HOXC8: variants seen among roughly 807,000 people sequenced by gnomAD.
HOXC8 encodes homeobox protein Hox-C8.
HOXC8 carries 14 observed loss-of-function variants against 25.8 expected under a neutral mutation model. That is an observed-to-expected ratio of 0.54 (90% CI 0.36 to 0.85). HOXC8 has a LOEUF of 0.85. HOXC8 is among the 40% of genes least tolerant of loss of function. The probability of loss-of-function intolerance (pLI) is 0.01; values close to 1 mark genes in which losing one functional copy is unlikely to be tolerated. For synonymous variants in HOXC8, 144 were observed against 124.6 expected (o/e 1.16, Z -1.04); for missense variants, 316 against 308.8 (o/e 1.02, Z -0.17).
Position 54,009,321 on chromosome 12 carries a change from T to G in HOXC8, c.37T>G (p.Tyr13Asp). Residue 13 changes from tyrosine to aspartate, a missense_variant, in exon 1 of 2, where the codon TAC becomes GAC. Transcript: ENST00000040584. This position sits in a 1 kb window ranked among gnomAD's most constrained non-coding sequence, Gnocchi z 5.0. ...SYFVNPLFSK[Y>D]KAGESLEPAY... is the part of the protein sequence containing the mutation. ...CTTCGTCAACCCCCTGTTCTCCAAA[T>G]ACAAAGCCGGCGAGTCCCTGGAACC... 6.2e-7 allele frequency: 1 copy of G among 1,604,128 alleles called. No individual in the cohort carries two copies. The highest frequency in any genetic ancestry group is 8.5e-7 in the Non-Finnish European group (1 of 1,173,338).
chr12:54,009,141 C>A lies in HOXC8; in HGVS notation c.-144C>A. The A allele has an allele frequency of 1.4e-6, 1 of 720,658 alleles. No homozygotes were observed. The allele number at this position is 720,658 out of a possible 1,614,324, so 44.6% of individuals were successfully genotyped here. A position where few individuals can be genotyped will look rare whatever the true frequency, so the allele number is the denominator to read the frequency against. On this transcript the variant is annotated 5_prime_UTR_variant, in exon 1 of 2. Transcript: ENST00000040584. The surrounding 1 kb of genome is among the most constrained non-coding windows in gnomAD (Gnocchi z 5.0). ...GCACCGAGGCGCCCCCCAACCTGCC[C>A]AGCCCCCAGCCCACCAGCCCAGCCC...
At chr12:54,011,066 G>T (rs1321830278) in intron 1 of HOXC8, 23 bp from the exon 2 acceptor site, 1 of 1,576,084 alleles carries the variant, frequency 6.3e-7, no homozygotes, top group Non-Finnish European at 8.7e-7. Flanking sequence ...AACGTAACCA[G>T]ACTGGGGTTT....
At chr12:54,010,428 A>G (rs778638181) in intron 1 of HOXC8, among the ~76,000 whole-genome samples, 32 of 152,276 alleles carry the variant, frequency 2.1e-4, no homozygotes, top group Admixed American at 9.8e-4. Flanking sequence ...CGCCCCCCCA[A>G]TCAAGGACTT....
intron 1 of HOXC8, 132 bp from the exon 2 acceptor site, chr12:54,010,957 C>T: frequency 2.6e-6 from 1 of 381,598 alleles, no homozygotes; most frequent in Non-Finnish European, 4.7e-6. Context: ...TGTCTGCCTT[C>T]TGCTCTAGCC....
rs555017651 is a variant in HOXC8 at position 54,011,720 on chromosome 12, G to A, written c.*339G>A. On this transcript the variant is annotated 3_prime_UTR_variant, in exon 2 of 2. Transcript: ENST00000040584. ...CTGAGACCTGGCCTCCGTGCTCCTC[G>A]GTCTGTCTCTCACCACACTCCCACC... is the stretch of plus-strand genomic sequence containing the variant. The A allele has an allele frequency of 5.4e-5, 9 of 166,958 alleles. No homozygotes were observed. The South Asian group carries it at 1.3e-3, about 25-fold the overall frequency. The allele number at this position is 166,958 out of a possible 1,614,324, so 10.3% of individuals were successfully genotyped here. A position where few individuals can be genotyped will look rare whatever the true frequency, so the allele number is the denominator to read the frequency against.
At position 54,009,487 on chromosome 12, in the gene HOXC8, C is replaced by G; in HGVS notation, c.203C>G (p.Ser68Cys). 6.2e-7 allele frequency: 1 copy of G among 1,614,224 alleles called. No individual in the cohort carries two copies. ...DFFHHGTSGI[S>C]NSGYQQNPCS... The stretch of plus-strand genomic sequence containing the variant: ...TTCCACCACGGCACCTCCGGCATCT[C>G]CAACTCAGGCTACCAGCAGAACCCG... Residue 68 changes from serine to cysteine, a missense_variant, in exon 1 of 2, where the codon TCC becomes TGC. Ser to Cys is a moderately radical substitution (Grantham distance 112). Coordinates refer to ENST00000040584, the MANE Select transcript of HOXC8 (RefSeq NM_022658.4). The surrounding 1 kb of genome is among the most constrained non-coding windows in gnomAD (Gnocchi z 5.0).
Position 54,009,803 on chromosome 12 carries a change from C to A in HOXC8, c.436+83C>A, listed in dbSNP as rs1592212275. Reference sequence around the variant, plus strand: ...CCCTCGCCTCCTTTTTGTCTGCCCTCGCTTTTTCTCCTGGCTTTGGGGTCT... The same window carrying A: ...CCCTCGCCTCCTTTTTGTCTGCCCTAGCTTTTTCTCCTGGCTTTGGGGTCT... On this transcript the variant is annotated intron_variant, in intron 1 of 1. Transcript: ENST00000040584. The surrounding 1 kb of genome is among the most constrained non-coding windows in gnomAD (Gnocchi z 5.0). The A allele has an allele frequency of 2.4e-6, 3 of 1,246,422 alleles. No homozygotes were observed. The highest frequency in any genetic ancestry group is 3.4e-6 in the Non-Finnish European group (3 of 869,862). The allele number at this position is 1,246,422 out of a possible 1,614,324, so 77.2% of individuals were successfully genotyped here. A position where few individuals can be genotyped will look rare whatever the true frequency, so the allele number is the denominator to read the frequency against.
Position 54,009,203 on chromosome 12 carries a change from G to A in HOXC8, c.-82G>A, listed in dbSNP as rs1044340590. On this transcript the variant is annotated 5_prime_UTR_variant, in exon 1 of 2. Coordinates refer to ENST00000040584, the MANE Select transcript of HOXC8 (RefSeq NM_022658.4). The surrounding 1 kb of genome is among the most constrained non-coding windows in gnomAD (Gnocchi z 5.0). Reference sequence around the variant, plus strand: ...GCCAGCTGGCCTGGGGTTCGGTCCCGGGGGGAGGGGAGTTTCGGGGGTACT... The same window carrying A: ...GCCAGCTGGCCTGGGGTTCGGTCCCAGGGGGAGGGGAGTTTCGGGGGTACT... 7 of 1,233,168 alleles carry A rather than the reference G, an allele frequency of 5.7e-6. No homozygotes were observed. The highest frequency in any genetic ancestry group is 8.0e-6 in the Non-Finnish European group (7 of 875,284). The allele number at this position is 1,233,168 out of a possible 1,614,324, so 76.4% of individuals were successfully genotyped here.
Position 54,012,325 on chromosome 12 carries a change from G to GA in HOXC8, c.*951dup, listed in dbSNP as rs1266219157. On this transcript the variant is annotated 3_prime_UTR_variant, in exon 2 of 2. Transcript: ENST00000040584. ...AATCCTGCTATAGGAGAAAAAAAGA[G>GA]AAAAAAATAAAAATCAAAAAAAAAA... 2 of 103,326 alleles carry GA rather than the reference G, an allele frequency of 1.9e-5. No homozygotes were observed. The highest frequency in any genetic ancestry group is 7.4e-5 in the African/African-American group (2 of 26,988). The allele number at this position is 103,326 out of a possible 1,614,324, so 6.4% of individuals were successfully genotyped here.
At position 54,009,614 on chromosome 12, in the gene HOXC8, A is replaced by C. The variant is rs962632699; in HGVS notation, c.330A>C (p.Gln110His). ...YGAQQEASVV[Q>H]YPDCKSSANT... ...CTCAGCAAGAGGCGAGCGTGGTGCA[A>C]TATCCCGACTGTAAATCCTCCGCCA... The change falls in exon 1 of 2, where the codon CAA (glutamine) becomes CAC (histidine). Residue 110 changes from glutamine (Q) to histidine (H), a missense_variant. Gln to His is a conservative substitution (Grantham distance 24). Coordinates refer to ENST00000040584, the MANE Select transcript of HOXC8 (RefSeq NM_022658.4). The surrounding 1 kb of genome is among the most constrained non-coding windows in gnomAD (Gnocchi z 5.0). 15 of 1,614,222 alleles carry C rather than the reference A, an allele frequency of 9.3e-6. No individual in the cohort carries two copies. The highest frequency in any genetic ancestry group is 1.3e-5 in the Non-Finnish European group (15 of 1,180,050).
chr12:54,011,349 G>GT lies in HOXC8; in HGVS notation c.697_698insT (p.Glu233ValfsTer21). The GT allele has an allele frequency of 6.8e-7, 1 of 1,469,890 alleles. No homozygotes were observed. 91.1% of individuals were successfully genotyped at this position (1,469,890 alleles called of 1,614,324 possible). On this transcript the variant is annotated frameshift_variant, in exon 2 of 2. Coordinates refer to ENST00000040584, the MANE Select transcript of HOXC8 (RefSeq NM_022658.4). LOFTEE classifies it high-confidence loss of function. ...AGAAGGAAATGAGGAAGAGGAGAAA[G>GT]AAGAGGAGGAAAAGGAAGAAAACAA...
In HOXC8 at chr12:54,009,260, G is replaced by T; in HGVS notation, c.-25G>T. The T allele has an allele frequency of 6.5e-7, 1 of 1,544,952 alleles. No individual in the cohort carries two copies. The highest frequency in any genetic ancestry group is 8.8e-7 in the Non-Finnish European group (1 of 1,141,670). ...GGTACTCGTGAGCCAGAGGGGAGGG[G>T]GCCGCGGGTTTTCATGTACCCAGCA... On this transcript the variant is annotated 5_prime_UTR_variant, in exon 1 of 2. Transcript: ENST00000040584. The surrounding 1 kb of genome is among the most constrained non-coding windows in gnomAD (Gnocchi z 5.0).
Position 54,009,283 on chromosome 12 carries a change from G to A in HOXC8, c.-2G>A, listed in dbSNP as rs1346274109. 1.3e-6 allele frequency: 2 copies of A among 1,578,524 alleles called. No individual in the cohort carries two copies. ...GGGGCCGCGGGTTTTCATGTACCCA[G>A]CATGAGCTCCTACTTCGTCAACCCC... is the stretch of plus-strand genomic sequence containing the variant. On this transcript the variant is annotated 5_prime_UTR_variant, in exon 1 of 2. Transcript: ENST00000040584. The surrounding 1 kb of genome is among the most constrained non-coding windows in gnomAD (Gnocchi z 5.0).
rs1209396148 is a variant in HOXC8 at position 54,011,138 on chromosome 12, G to A, written c.486G>A (p.Leu162=). Residue 162 remains leucine, a synonymous_variant, in exon 2 of 2, where the codon TTG becomes TTA. Coordinates refer to ENST00000040584, the MANE Select transcript of HOXC8 (RefSeq NM_022658.4). ...AAACTTACAGCCGGTATCAGACCTT[G>A]GAACTAGAAAAGGAGTTTCTCTTTA... ...GRQTYSRYQT[L]ELEKEFLFNP... 2.5e-6 allele frequency: 4 copies of A among 1,614,144 alleles called. No individual in the cohort carries two copies. Among genetic ancestry groups the A allele is most frequent in the South Asian group, 1.1e-5 (1 of 91,070 alleles).
Position 54,011,397 on chromosome 12 carries a change from C to A in HOXC8, c.*16C>A, listed in dbSNP as rs758104186. 1.2e-5 allele frequency: 14 copies of A among 1,150,466 alleles called. No individual in the cohort carries two copies. The highest frequency in any genetic ancestry group is 9.7e-5 in the Admixed American group (3 of 31,046). 71.3% of individuals were successfully genotyped at this position (1,150,466 alleles called of 1,614,324 possible). On this transcript the variant is annotated 3_prime_UTR_variant, in exon 2 of 2. Coordinates refer to ENST00000040584, the MANE Select transcript of HOXC8 (RefSeq NM_022658.4). ...CAAGGACTAAGCAAAAAAGAAAGAC[C>A]CCCCCCCCCTTAGCAACTCCCTTGA...
chr12:54,009,308 C>T lies in HOXC8; in HGVS notation c.24C>T (p.Pro8=), dbSNP rs768253176. The change falls in exon 1 of 2, where the codon CCC becomes CCT. Residue 8 remains proline, a synonymous_variant. Transcript: ENST00000040584. This position sits in a 1 kb window ranked among gnomAD's most constrained non-coding sequence, Gnocchi z 5.0. MSSYFVN[P]LFSKYKAGES... ...GCATGAGCTCCTACTTCGTCAACCC[C>T]CTGTTCTCCAAATACAAAGCCGGCG... is the stretch of plus-strand genomic sequence containing the variant. The T allele has an allele frequency of 6.3e-7, 1 of 1,599,194 alleles. No individual in the cohort carries two copies. Among genetic ancestry groups the T allele is most frequent in the Middle Eastern group, 1.7e-4 (1 of 5,990 alleles).
chr12:54,009,799 C>A lies in HOXC8; in HGVS notation c.436+79C>A. 3 of 1,299,280 alleles carry A rather than the reference C, an allele frequency of 2.3e-6. No individual in the cohort carries two copies. Among genetic ancestry groups the A allele is most frequent in the African/African-American group, 1.5e-5 (1 of 68,248 alleles). 80.5% of individuals were successfully genotyped at this position (1,299,280 alleles called of 1,614,324 possible). ...CCCTCCCTCGCCTCCTTTTTGTCTG[C>A]CCTCGCTTTTTCTCCTGGCTTTGGG... is the stretch of plus-strand genomic sequence containing the variant. On this transcript the variant is annotated intron_variant, in intron 1 of 1. Transcript: ENST00000040584. The surrounding 1 kb of genome is among the most constrained non-coding windows in gnomAD (Gnocchi z 5.0).
At position 54,009,833 on chromosome 12, in the gene HOXC8, C is replaced by T. The variant is rs1290418775; in HGVS notation, c.436+113C>T. 8.8e-6 allele frequency: 8 copies of T among 911,952 alleles called. No homozygotes were observed. Among genetic ancestry groups the T allele is most frequent in the African/African-American group, 6.7e-5 (4 of 59,916 alleles). 56.5% of individuals were successfully genotyped at this position (911,952 alleles called of 1,614,324 possible). On this transcript the variant is annotated intron_variant, in intron 1 of 1. Coordinates refer to ENST00000040584, the MANE Select transcript of HOXC8 (RefSeq NM_022658.4). The surrounding 1 kb of genome is among the most constrained non-coding windows in gnomAD (Gnocchi z 5.0). ...TTTCTCCTGGCTTTGGGGTCTCTCC[C>T]GCCCCACCCCCGTGCCTGTGCCTGG... is the stretch of plus-strand genomic sequence containing the variant.
In HOXC8 at chr12:54,009,302, C is replaced by T. The variant is rs1199675831; in HGVS notation, c.18C>T (p.Val6=). The T allele has an allele frequency of 6.3e-7, 1 of 1,591,752 alleles. No homozygotes were observed. Among genetic ancestry groups the T allele is most frequent in the Non-Finnish European group, 8.6e-7 (1 of 1,165,796 alleles). The change falls in exon 1 of 2, where the codon GTC becomes GTT. Residue 6 remains valine, a synonymous_variant. Coordinates refer to ENST00000040584, the MANE Select transcript of HOXC8 (RefSeq NM_022658.4). This position sits in a 1 kb window ranked among gnomAD's most constrained non-coding sequence, Gnocchi z 5.0. The stretch of plus-strand genomic sequence containing the variant: ...TACCCAGCATGAGCTCCTACTTCGT[C>T]AACCCCCTGTTCTCCAAATACAAAG... MSSYF[V]NPLFSKYKAG... is the part of the protein sequence containing the mutation.
Sources: gnomAD v4.1 joint callset for allele counts (sites outside exome capture counted in the v4.1 genomes callset) on GRCh38, gnomAD v4.1.1 for gene constraint, Gnocchi (gnomAD v3.1) non-coding constraint, MANE v1.5 for transcripts, NCBI Gene and HGNC (gene_info 2026-07-23, HGNC 2026-07-21) for gene names.